The following ABCC3 variants were observed in gnomAD, a reference collection of about 807,000 sequenced individuals.
The protein encoded by ABCC3 is ATP binding cassette subfamily C member 3.
Under a neutral mutation model 165.3 loss-of-function variants are expected in ABCC3, and 121 were observed. The observed-to-expected ratio is 0.73, with a 90% CI of 0.63 to 0.85. The LOEUF (loss-of-function observed/expected upper bound fraction) is 0.85. ABCC3 is among the 40% of genes least tolerant of loss of function. ABCC3 has a pLI of 0.00. For synonymous variants in ABCC3, 733 were observed against 810.1 expected, an observed-to-expected ratio of 0.90 and a Z score of 1.62; for missense variants, 1,869 against 1,964.1, an observed-to-expected ratio of 0.95 and a Z score of 0.92.
chr17:50,655,404 C>CAAA (rs58586394), intron 1 of ABCC3, among the ~76,000 whole-genome samples: 787 of 56,454 alleles, frequency 0.014, 92 homozygotes, highest in African/African-American at 0.018. Context: ...GACTCTGTCT[C>CAAA]AAAAAAAAAA....
rs749025100 is a variant in ABCC3, at chr17:50,672,956, C to T, written c.2242-15C>T. On this transcript the variant is annotated splice_polypyrimidine_tract_variant and intron_variant, in intron 17 of 30. Transcript: ENST00000285238. ...CTGTCTGACCCCATTTTTCCCACCC[C>T]CCGCCTCCCTCCAGGGCATTAACCT... is the stretch of plus-strand genomic sequence containing the variant. 6.8e-6 allele frequency: 11 copies of T among 1,610,702 alleles called. No individual in the cohort carries two copies. The highest frequency in any genetic ancestry group is 1.3e-5 in the African/African-American group (1 of 74,858).
At chr17:50,673,984 C>CTT (rs1567835582) in intron 19 of ABCC3, among the ~76,000 whole-genome samples, 1,099 of 11,456 alleles carry the variant, frequency 0.096, 45 homozygotes, top group South Asian at 0.11. Context: ...TTCTTTCTCT[C>CTT]TCTCTCTCTC....
rs1567835733 is a variant in ABCC3 at position 50,674,030 on chromosome 17, CTCTCTCTTTCTTTCTTTCTTTCTTTCTT to C, written c.2599+376_2599+403del. Among the ~76,000 whole-genome samples the C allele has an allele frequency of 3.0e-3, 14 of 4,690 alleles. 2 individuals carry two copies. Among genetic ancestry groups the C allele is most frequent in the African/African-American group, 0.015 (12 of 802 alleles). The allele number at this position is 4,690 out of a possible 152,430, so 3.1% of individuals were successfully genotyped here. A position where few individuals can be genotyped will look rare whatever the true frequency, so the allele number is the denominator to read the frequency against. On this transcript the variant is annotated intron_variant, in intron 19 of 30. Coordinates refer to ENST00000285238, the MANE Select transcript of ABCC3 (RefSeq NM_003786.4). ...TCTCTCTCTCTCTCTCTCTCTCTCT[CTCTCTCTTTCTTTCTTTCTTTCTTTCTT>C]TCTTTCTTTCTTTCTTTTTTTTCTT...
intron 28 of ABCC3, among the ~76,000 whole-genome samples, chr17:50,684,435 C>T (rs191374934): frequency 2.0e-5 from 3 of 152,138 alleles, no homozygotes; most frequent in East Asian, 1.9e-4. Context: ...CTGTCTCCTC[C>T]GGGGTATTTT....
chr17:50,635,276 G>T, intron 1 of ABCC3: 1 of 627,490 alleles, frequency 1.6e-6, no homozygotes, highest in Non-Finnish European at 2.9e-6. Context: ...CACAGTGCGT[G>T]GCTGGGTGAG....
At position 50,657,192 on chromosome 17, in the gene ABCC3, G is replaced by T; in HGVS notation, c.486+9G>T. ...TTTTAGCCAAGGCAGAGGTAAGGTT[G>T]GGGGAGAGGGGAACCTGCCAGGTTT... On this transcript the variant is annotated intron_variant, in intron 4 of 30. Coordinates refer to ENST00000285238, the MANE Select transcript of ABCC3 (RefSeq NM_003786.4). 3 of 1,612,864 alleles carry T rather than the reference G, an allele frequency of 1.9e-6. No homozygotes were observed. The highest frequency in any genetic ancestry group is 2.5e-6 in the Non-Finnish European group (3 of 1,179,348).
In ABCC3 at chr17:50,689,669, C is replaced by T. The variant is rs117443810; in HGVS notation, c.4476-1423C>T. Among the ~76,000 whole-genome samples, 7 of 152,334 alleles carry T rather than the reference C, an allele frequency of 4.6e-5. 1 individual carries two copies. In the East Asian group the frequency reaches 1.4e-3, roughly 29 times the overall value. On this transcript the variant is annotated intron_variant, in intron 30 of 30. Transcript: ENST00000285238. ...AGCCAGCAGTGTCTTGGGAGCCAAG[C>T]TGAGAATGCCTGATGCTACCCTCTG...
chr17:50,680,256 G>C (rs1967905122), intron 26 of ABCC3, among the ~76,000 whole-genome samples: 2 of 152,198 alleles, frequency 1.3e-5, no homozygotes, highest in African/African-American at 4.8e-5. Flanking sequence ...GAGAAGGATG[G>C]ACAGGCTTTG....
intron 10 of ABCC3, 150 bp downstream of exon 10, chr17:50,664,261 T>C: frequency 9.1e-7 from 1 of 1,103,790 alleles, no homozygotes; most frequent in Non-Finnish European, 1.3e-6. Context: ...AGCCCAAGAG[T>C]TCTGGCTGCA....
chr17:50,635,264 G>A, intron 1 of ABCC3: 2 of 625,540 alleles, frequency 3.2e-6, no homozygotes, highest in East Asian at 5.5e-5. Flanking sequence ...GGGGCGCAAA[G>A]GCACAGTGCG....
rs11568586 is a variant in ABCC3, at chr17:50,658,225, G to A, written c.612+18G>A. The A allele has an allele frequency of 1.9e-3, 3,058 of 1,614,112 alleles. 52 individuals are homozygous for A. The African/African-American group carries it at 0.035, about 18-fold the overall frequency. On this transcript the variant is annotated intron_variant, in intron 5 of 30. Coordinates refer to ENST00000285238, the MANE Select transcript of ABCC3 (RefSeq NM_003786.4). ...TCGACCCTGTGAGTTTCCCATGGAG[G>A]GTGCGGGGGCTCCACAGCTGAGTCC...
chr17:50,673,920 CTTT>C (rs1967710129), intron 19 of ABCC3, among the ~76,000 whole-genome samples: 5 of 13,984 alleles, frequency 3.6e-4, no homozygotes, highest in East Asian at 1.7e-3. Flanking sequence ...TTCTTTCTTT[CTTT>C]CTTTCTTTCT....
intron 3 of ABCC3, 59 bp downstream of exon 3, chr17:50,656,886 G>A (rs1037354235): frequency 9.0e-6 from 14 of 1,560,940 alleles, no homozygotes; most frequent in Non-Finnish European, 1.2e-5. Flanking sequence ...TGTGGACTGT[G>A]ATAGGGAAAC....
rs748542035 is a variant in ABCC3, at chr17:50,678,171, C to A, written c.3657C>A (p.Ser1219Arg). 62 of 1,545,882 alleles carry A rather than the reference C, an allele frequency of 4.0e-5. No homozygotes were observed. In the East Asian group the frequency reaches 1.4e-3, roughly 35 times the overall value. Reference protein sequence around the residue: ...FAALFAVIGRSSLNPGLVGLS... With the variant: ...FAALFAVIGRRSLNPGLVGLS... ...CACTATTTGCCGTCATCGGGAGGAG[C>A]AGCCTGAACCCGGGGCTGGTGGGCC... is the stretch of plus-strand genomic sequence containing the variant. Residue 1219 changes from serine to arginine, a missense_variant, in exon 25 of 31, where the codon AGC (serine) becomes AGA (arginine). By Grantham distance (110) the Ser-to-Arg change is moderately radical. Coordinates refer to ENST00000285238, the MANE Select transcript of ABCC3 (RefSeq NM_003786.4).
intron 26 of ABCC3, among the ~76,000 whole-genome samples, chr17:50,682,800 A>G (rs924473851): frequency 6.6e-6 from 1 of 152,174 alleles, no homozygotes; most frequent in East Asian, 1.9e-4. Context: ...GACTGTTTCA[A>G]TGGGGTACCA....
intron 1 of ABCC3, among the ~76,000 whole-genome samples, chr17:50,638,340 C>G (rs1052261570): frequency 1.3e-5 from 2 of 152,126 alleles, no homozygotes; most frequent in Non-Finnish European, 2.9e-5. Context: ...TCTGACAGCC[C>G]CAGGAAGCTT....
At position 50,667,977 on chromosome 17, in the gene ABCC3, A is replaced by G; in HGVS notation, c.1750A>G (p.Met584Val). Residue 584 changes from methionine to valine, a missense_variant, in exon 13 of 31, where the codon ATG becomes GTG. Transcript: ENST00000285238. Reference protein sequence around the residue: ...LFNILRLPLNMLPQLISNLTQ... With the variant: ...LFNILRLPLNVLPQLISNLTQ... ...TAATATCTTAAGACTTCCCCTCAAC[A>G]TGCTGCCCCAGTTAATCAGCAACCT... is the stretch of plus-strand genomic sequence containing the variant. The G allele has an allele frequency of 6.2e-7, 1 of 1,614,060 alleles. No individual in the cohort carries two copies. Among genetic ancestry groups the G allele is most frequent in the African/African-American group, 1.3e-5 (1 of 74,990 alleles).
intron 30 of ABCC3, among the ~76,000 whole-genome samples, chr17:50,689,559 A>G (rs903523409): frequency 3.9e-5 from 6 of 152,210 alleles, no homozygotes; most frequent in Non-Finnish European, 7.3e-5. Flanking sequence ...CTCACTCAAG[A>G]AACACTTGCA....
intron 1 of ABCC3, among the ~76,000 whole-genome samples, chr17:50,650,365 C>T (rs184745357): frequency 2.0e-3 from 299 of 152,308 alleles, no homozygotes; most frequent in African/African-American, 6.3e-3. Flanking sequence ...CCTCTGCCTC[C>T]CAAAGTCCTG....
Sources: gnomAD v4.1 joint callset for allele counts (sites outside exome capture counted in the v4.1 genomes callset) on GRCh38, gnomAD v4.1.1 for gene constraint, MANE v1.5 for transcripts, NCBI Gene and HGNC (gene_info 2026-07-23, HGNC 2026-07-21) for gene names.